Variants in MED27 observed in about 807,000 individuals in gnomAD.
MED27 encodes the protein mediator of RNA polymerase II transcription subunit 27.
In MED27, 30 loss-of-function variants were observed where a neutral mutation model predicts 38.2. The observed-to-expected ratio is 0.79, with a 90% CI of 0.59 to 1.07. The LOEUF is 1.07. Among genes scored for constraint, MED27 ranks in the 50% least tolerant of loss-of-function variants. MED27 has a pLI of 0.00. For synonymous variants in MED27, 122 were observed against 153.5 expected (o/e 0.79, Z 1.52); for missense variants, 289 against 397.5 (o/e 0.73, Z 2.32).
intron 4 of MED27, among the ~76,000 whole-genome samples, chr9:131,898,463 C>T (rs1829871299): frequency 6.6e-6 from 1 of 152,026 alleles, no homozygotes; most frequent in Non-Finnish European, 1.5e-5. Flanking sequence ...GATCCACCCG[C>T]CCTCGGCCTC....
chr9:132,068,848 G>T (rs1264788942), intron 2 of MED27, among the ~76,000 whole-genome samples: 1 of 152,212 alleles, frequency 6.6e-6, no homozygotes, highest in Non-Finnish European at 1.5e-5. Flanking sequence ...AGATGTCATT[G>T]TGTGTGGCTG....
chr9:132,051,616 C>T lies in MED27; in HGVS notation c.348+25826G>A, dbSNP rs979459847. ...TTCCAGCCTCCAGATCTGTGTTGTC[C>T]AACATAGTGGCCACTGGCTACAGGA... On this transcript the variant is annotated intron_variant, in intron 2 of 7. Coordinates refer to ENST00000292035, the MANE Select transcript of MED27 (RefSeq NM_004269.4). This position sits in a 1 kb window ranked among gnomAD's most constrained non-coding sequence, Gnocchi z 4.2. Among the ~76,000 whole-genome samples, 6 of 152,132 alleles carry T rather than the reference C, an allele frequency of 3.9e-5. No homozygotes were observed. The highest frequency in any genetic ancestry group is 8.8e-5 in the Non-Finnish European group (6 of 68,028).
intron 2 of MED27, among the ~76,000 whole-genome samples, chr9:132,030,125 C>T (rs1832923116): frequency 6.6e-6 from 1 of 152,240 alleles, no homozygotes; most frequent in Non-Finnish European, 1.5e-5. Flanking sequence ...GGAGGTGGCA[C>T]AAGCCTGACC....
chr9:131,972,842 G>C (rs1237258745), intron 3 of MED27, among the ~76,000 whole-genome samples: 2 of 152,216 alleles, frequency 1.3e-5, no homozygotes, highest in South Asian at 2.1e-4. Flanking sequence ...GAGGTCAGCA[G>C]TTTGAGACCA....
intron 3 of MED27, among the ~76,000 whole-genome samples, chr9:131,951,842 T>C (rs565631439): frequency 6.6e-6 from 1 of 152,230 alleles, no homozygotes; most frequent in African/African-American, 2.4e-5. Flanking sequence ...CCTCGAAGCA[T>C]GAGCTTTAAA....
intron 3 of MED27, among the ~76,000 whole-genome samples, chr9:131,979,580 A>G (rs1042368092): frequency 5.3e-5 from 8 of 151,946 alleles, no homozygotes; most frequent in Non-Finnish European, 1.0e-4. Flanking sequence ...GCTATCTGCC[A>G]TCCGCCTTGC....
At chr9:131,970,929 T>C (rs761740167) in intron 3 of MED27, among the ~76,000 whole-genome samples, 4 of 152,290 alleles carry the variant, frequency 2.6e-5, no homozygotes, top group East Asian at 1.9e-4. Flanking sequence ...AGGCAGAGTA[T>C]TGATGATATG....
chr9:131,959,561 C>T (rs147791793), intron 3 of MED27, among the ~76,000 whole-genome samples: 243 of 152,300 alleles, frequency 1.6e-3, no homozygotes, highest in African/African-American at 5.6e-3. Context: ...CCTCTGGCTT[C>T]GGTTTCCTCT....
At chr9:131,904,544 G>A (rs560045245) in intron 4 of MED27, among the ~76,000 whole-genome samples, 66 of 149,646 alleles carry the variant, frequency 4.4e-4, no homozygotes, top group Middle Eastern at 7.5e-3. Flanking sequence ...GAGATCGGGG[G>A]GGAGCGGTCT....
intron 2 of MED27, among the ~76,000 whole-genome samples, chr9:132,047,439 T>C (rs1326073771): frequency 1.6e-5 from 1 of 64,160 alleles, no homozygotes; most frequent in Non-Finnish European, 3.0e-5. Context: ...CATAATGTTT[T>C]AGACACACAC....
chr9:131,887,410 G>C (rs1839158447), intron 5 of MED27, among the ~76,000 whole-genome samples: 1 of 152,120 alleles, frequency 6.6e-6, no homozygotes, highest in Non-Finnish European at 1.5e-5. Flanking sequence ...TACCTGGTGC[G>C]CATGGGTGAA....
chr9:132,063,059 G>A (rs1053005786), intron 2 of MED27, among the ~76,000 whole-genome samples: 4 of 152,156 alleles, frequency 2.6e-5, no homozygotes, highest in Non-Finnish European at 5.9e-5. Flanking sequence ...GACAAAAGAT[G>A]GCCTGAAACA....
intron 4 of MED27, among the ~76,000 whole-genome samples, chr9:131,932,906 A>C (rs1830615467): frequency 1.3e-5 from 2 of 152,214 alleles, no homozygotes; most frequent in African/African-American, 2.4e-5. Context: ...TACATTAAAA[A>C]GATCATTCAT....
chr9:131,923,814 G>A (rs1830437353), intron 4 of MED27, among the ~76,000 whole-genome samples: 1 of 152,154 alleles, frequency 6.6e-6, no homozygotes, highest in South Asian at 2.1e-4. Flanking sequence ...CAGTAGAAAT[G>A]AGCAGATAAG....
intron 3 of MED27, among the ~76,000 whole-genome samples, chr9:131,977,927 A>G (rs1278563763): frequency 6.6e-6 from 1 of 152,164 alleles, no homozygotes; most frequent in Non-Finnish European, 1.5e-5. Context: ...CAGCTGATAG[A>G]TGAACCGGGA....
intron 4 of MED27, among the ~76,000 whole-genome samples, chr9:131,916,181 T>A (rs1830283873): frequency 6.6e-6 from 1 of 152,122 alleles, no homozygotes; most frequent in Admixed American, 6.5e-5. Context: ...GGAGGAAAAA[T>A]CAACTGTGTA....
chr9:131,998,166 A>G (rs1043002499), intron 3 of MED27, among the ~76,000 whole-genome samples: 1 of 152,136 alleles, frequency 6.6e-6, no homozygotes, highest in African/African-American at 2.4e-5. Flanking sequence ...AGTCTCAGAA[A>G]CAAAAAGGGA....
chr9:131,946,728 C>A (rs1200047160), intron 3 of MED27, among the ~76,000 whole-genome samples: 1 of 152,228 alleles, frequency 6.6e-6, no homozygotes, highest in South Asian at 2.1e-4. Context: ...CCTGAGCAGG[C>A]TCACTCTATC....
At chr9:132,078,663 G>C (rs918613840) in intron 1 of MED27, among the ~76,000 whole-genome samples, 1 of 152,064 alleles carries the variant, frequency 6.6e-6, no homozygotes, top group African/African-American at 2.4e-5. Context: ...TGGTTACTAA[G>C]GAGACCAAGT....
Sources: gnomAD v4.1 joint callset for allele counts (sites outside exome capture counted in the v4.1 genomes callset) on GRCh38, gnomAD v4.1.1 for gene constraint, Gnocchi (gnomAD v3.1) non-coding constraint, MANE v1.5 for transcripts, NCBI Gene and HGNC (gene_info 2026-07-23, HGNC 2026-07-21) for gene names.